SBF2: variants seen among roughly 807,000 people sequenced by gnomAD.
The protein encoded by SBF2 is SET binding factor 2.
Under a neutral mutation model 225.2 loss-of-function variants are expected in SBF2, and 112 were observed. The ratio of observed to expected loss-of-function variants is 0.50; its 90% confidence interval spans 0.43 to 0.58. The LOEUF (loss-of-function observed/expected upper bound fraction) is 0.58, where lower values mean the gene tolerates loss of function less well. SBF2 is among the 20% of genes least tolerant of loss of function. SBF2 has a pLI of 0.00. For missense variants in SBF2, 1,996 were observed against 2,206.2 expected, an observed-to-expected ratio of 0.90 and a Z score of 1.91; for synonymous variants, 763 against 773.3, an observed-to-expected ratio of 0.99 and a Z score of 0.22.
Position 9,789,114 on chromosome 11 carries a change from A to C in SBF2, c.4927T>G (p.Phe1643Val), listed in dbSNP as rs757479870. 6.2e-7 allele frequency: 1 copy of C among 1,614,100 alleles called. No individual in the cohort carries two copies. The highest frequency in any genetic ancestry group is 8.5e-7 in the Non-Finnish European group (1 of 1,179,954). Residue 1643 changes from phenylalanine (F) to valine (V), a missense_variant, in exon 35 of 40, where the codon TTC becomes GTC. Transcript: ENST00000256190. ...CTQPDALTSL[F>V]SEIEKLEHKL... ...TGTGTCTACAGTTGACTTACACTGA[A>C]AAGGCTGGTGAGAGCATCAGGCTGA...
At chr11:10,104,136 T>C (rs1952446910) in intron 2 of SBF2, among the ~76,000 whole-genome samples, 1 of 152,100 alleles carries the variant, frequency 6.6e-6, no homozygotes, top group African/African-American at 2.4e-5. Flanking sequence ...TGTGTGAATT[T>C]TCCAATTTTA....
intron 2 of SBF2, among the ~76,000 whole-genome samples, chr11:10,165,791 C>T (rs935675647): frequency 2.0e-5 from 3 of 152,204 alleles, no homozygotes; most frequent in Admixed American, 1.3e-4. Flanking sequence ...CACATCCATA[C>T]ATATTAGGAC....
At chr11:9,799,776 G>C (rs1853373567) in intron 32 of SBF2, among the ~76,000 whole-genome samples, 1 of 152,310 alleles carries the variant, frequency 6.6e-6, no homozygotes, top group South Asian at 2.1e-4. Flanking sequence ...CTGCACCCCA[G>C]TGACTCAGTT....
chr11:10,195,941 C>T (rs547075642), intron 1 of SBF2, among the ~76,000 whole-genome samples: 2 of 152,254 alleles, frequency 1.3e-5, no homozygotes, highest in South Asian at 4.1e-4. Context: ...ACATCCCAAG[C>T]AGGGTTAATG....
intron 1 of SBF2, among the ~76,000 whole-genome samples, chr11:10,275,598 C>T (rs114049803): frequency 9.9e-4 from 148 of 150,082 alleles, no homozygotes; most frequent in African/African-American, 3.1e-3. Context: ...TTGTATTCTA[C>T]GGTTTAACAT....
At chr11:9,966,136 A>G (rs1236293406) in intron 14 of SBF2, among the ~76,000 whole-genome samples, 2 of 151,484 alleles carry the variant, frequency 1.3e-5, no homozygotes, top group African/African-American at 2.4e-5. Context: ...CCAAGGCTGG[A>G]GTACAGTGGT....
chr11:10,178,157 TG>T (rs1956555484), intron 2 of SBF2, among the ~76,000 whole-genome samples: 1 of 147,290 alleles, frequency 6.8e-6, no homozygotes, highest in South Asian at 2.1e-4. Context: ...AAGCTGAAAC[TG>T]GATCCCTTCC....
chr11:9,927,378 C>G (rs1014740308), intron 16 of SBF2, among the ~76,000 whole-genome samples: 1 of 152,244 alleles, frequency 6.6e-6, no homozygotes, highest in South Asian at 2.1e-4. Flanking sequence ...CACTTCCCAA[C>G]TGATTTTATG....
In SBF2 at chr11:9,858,220, T is replaced by C. The variant is rs760749148; in HGVS notation, c.2100+6A>G. The C allele has an allele frequency of 8.7e-6, 14 of 1,613,968 alleles. No individual in the cohort carries two copies. Among genetic ancestry groups the C allele is most frequent in the Non-Finnish European group, 1.0e-5 (12 of 1,179,966 alleles). ...ACACAATTAGAGTTCTTTTCTTCTC[T>C]CTTACCTTTTGCTTCAGATGCGGGG... is the stretch of plus-strand genomic sequence containing the variant. On this transcript the variant is annotated splice_donor_region_variant and intron_variant, in intron 18 of 39. Coordinates refer to ENST00000256190, the MANE Select transcript of SBF2 (RefSeq NM_030962.4).
chr11:9,853,415 A>C, intron 20 of SBF2, 125 bp downstream of exon 20: 2 of 855,018 alleles, frequency 2.3e-6, no homozygotes, highest in South Asian at 3.0e-5. Context: ...AACATTTTAA[A>C]AACTAATCAG....
chr11:9,981,236 T>C (rs1946943650), intron 13 of SBF2, among the ~76,000 whole-genome samples: 1 of 152,172 alleles, frequency 6.6e-6, no homozygotes, highest in South Asian at 2.1e-4. Flanking sequence ...AAAATACATC[T>C]TCCCCAGAAG....
intron 2 of SBF2, among the ~76,000 whole-genome samples, chr11:10,102,735 C>T (rs1952363438): frequency 6.6e-6 from 1 of 152,120 alleles, no homozygotes; most frequent in Non-Finnish European, 1.5e-5. Context: ...AATAAAAGCA[C>T]ACTGATATGG....
chr11:9,867,878 G>T (rs1858365959), intron 17 of SBF2, among the ~76,000 whole-genome samples: 1 of 152,112 alleles, frequency 6.6e-6, no homozygotes, highest in African/African-American at 2.4e-5. Context: ...CTGGGAAGGG[G>T]GAATAAACAG....
intron 1 of SBF2, among the ~76,000 whole-genome samples, chr11:10,229,704 A>C (rs1443347902): frequency 6.6e-6 from 1 of 152,132 alleles, no homozygotes; most frequent in East Asian, 1.9e-4. Context: ...CTGTTCTTTT[A>C]CATTTGCTGA....
At chr11:9,983,003 G>A (rs1051878128) in intron 13 of SBF2, among the ~76,000 whole-genome samples, 7 of 152,194 alleles carry the variant, frequency 4.6e-5, no homozygotes, top group Non-Finnish European at 7.3e-5. Flanking sequence ...AGGAGCAGCA[G>A]GTAAAACTCC....
chr11:10,170,286 A>G (rs934527973), intron 2 of SBF2, among the ~76,000 whole-genome samples: 2 of 152,102 alleles, frequency 1.3e-5, no homozygotes, highest in Non-Finnish European at 2.9e-5. Flanking sequence ...TCTTTAATCA[A>G]TTTTGATGTG....
chr11:9,892,709 G>A (rs954987291), intron 17 of SBF2, among the ~76,000 whole-genome samples: 2 of 151,926 alleles, frequency 1.3e-5, no homozygotes, highest in Middle Eastern at 3.4e-3. Context: ...ACAGGCATAC[G>A]CCACCACGCC....
chr11:9,888,286 C>T (rs1490804214), intron 17 of SBF2, among the ~76,000 whole-genome samples: 1 of 152,060 alleles, frequency 6.6e-6, no homozygotes, highest in Non-Finnish European at 1.5e-5. Context: ...CACTTGAGCC[C>T]AGGAGTTTGA....
intron 2 of SBF2, among the ~76,000 whole-genome samples, chr11:10,155,975 G>A (rs1434413400): frequency 6.6e-6 from 1 of 152,208 alleles, no homozygotes; most frequent in Admixed American, 6.5e-5. Flanking sequence ...CCACGGGGGT[G>A]GGACAGGTGG....
Sources: gnomAD v4.1 joint callset for allele counts (sites outside exome capture counted in the v4.1 genomes callset) on GRCh38, gnomAD v4.1.1 for gene constraint, MANE v1.5 for transcripts, NCBI Gene and HGNC (gene_info 2026-07-23, HGNC 2026-07-21) for gene names.